Variants in RAF1 observed in about 807,000 individuals in gnomAD.
RAF1 encodes Raf-1 proto-oncogene, serine/threonine kinase.
Under a neutral mutation model 81.1 loss-of-function variants are expected in RAF1, and 27 were observed. The ratio of observed to expected loss-of-function variants is 0.33; its 90% CI spans 0.25 to 0.46. The LOEUF is 0.46. RAF1 is among the 20% of genes least tolerant of loss of function. RAF1 has a pLI of 1.00. For synonymous variants in RAF1, 298 were observed against 294.0 expected (o/e 1.01, Z -0.14); for missense variants, 598 against 826.0 (o/e 0.72, Z 3.38).
intron 1 of RAF1, among the ~76,000 whole-genome samples, chr3:12,658,428 C>T (rs1017880383): frequency 1.3e-5 from 2 of 152,026 alleles, no homozygotes; most frequent in Non-Finnish European, 2.9e-5. Context: ...CACAGTGAAA[C>T]CCTGTCTCTA....
intron 1 of RAF1, among the ~76,000 whole-genome samples, chr3:12,622,937 A>G (rs948764907): frequency 5.3e-5 from 8 of 152,106 alleles, no homozygotes; most frequent in African/African-American, 1.9e-4. Context: ...CCCAGATGGG[A>G]GGACAGCTTG....
At chr3:12,645,097 C>CAAAAAAAAAAAAAAAAAAAAAAAAAAAAA (rs11401342) in intron 1 of RAF1, among the ~76,000 whole-genome samples, 1 of 65,060 alleles carries the variant, frequency 1.5e-5, no homozygotes. Context: ...GACTCAGTCT[C>CAAAAAAAAAAAAAAAAAAAAAAAAAAAAA]AAAAAAAAAA....
At chr3:12,610,076 A>C (rs1298761935) in intron 3 of RAF1, among the ~76,000 whole-genome samples, 1 of 152,222 alleles carries the variant, frequency 6.6e-6, no homozygotes, top group East Asian at 1.9e-4. Flanking sequence ...CTACTCTGAA[A>C]CCACACTTTC....
Position 12,584,490 on chromosome 3 carries a change from G to A in RAF1, c.*24C>T, listed in dbSNP as rs2125315372. 1.2e-6 allele frequency: 2 copies of A among 1,614,152 alleles called. No homozygotes were observed. Among genetic ancestry groups the A allele is most frequent in the Non-Finnish European group, 1.7e-6 (2 of 1,179,980 alleles). On this transcript the variant is annotated 3_prime_UTR_variant, in exon 18 of 18. Coordinates refer to ENST00000442415, the MANE Select transcript of RAF1 (RefSeq NM_001354689.3). ...GCTGGCTTCTCCTCCTCCCCTGGCAGCCTGAAGACAGGTGCAAAGTCAACT... is the reference window on the plus strand; with the variant it reads ...GCTGGCTTCTCCTCCTCCCCTGGCAACCTGAAGACAGGTGCAAAGTCAACT...
At chr3:12,609,407 C>T in intron 3 of RAF1, 72 bp from the exon 4 acceptor site, 1 of 942,196 alleles carries the variant, frequency 1.1e-6, no homozygotes, top group South Asian at 1.3e-5. Context: ...CAACAGCTAC[C>T]ATTTATCACA....
chr3:12,644,170 G>C (rs749933822), intron 1 of RAF1, among the ~76,000 whole-genome samples: 9 of 151,952 alleles, frequency 5.9e-5, no homozygotes, highest in African/African-American at 2.2e-4. Context: ...AAGTAGCTTC[G>C]GGACAAGTCA....
intron 1 of RAF1, among the ~76,000 whole-genome samples, chr3:12,655,290 T>G (rs1198297763): frequency 6.6e-6 from 1 of 152,144 alleles, no homozygotes; most frequent in Non-Finnish European, 1.5e-5. Context: ...TTCACCATGT[T>G]GGCCAGGCTG....
rs948327519 is a variant in RAF1, at chr3:12,657,001, G to GAA, written c.-27+6810_-27+6811dup. On this transcript the variant is annotated intron_variant, in intron 1 of 17. Transcript: ENST00000442415. The stretch of plus-strand genomic sequence containing the variant: ...GATAAGAGTGAAACTCCATCTCGGG[G>GAA]AAAAAAAAAAAAAAGAGGAATAGAT... Among the ~76,000 whole-genome samples the GAA allele has an allele frequency of 9.2e-3, 1,357 of 147,464 alleles. 20 individuals are homozygous for GAA. The highest frequency in any genetic ancestry group is 0.03 in the African/African-American group (1,217 of 40,394).
chr3:12,624,101 C>T (rs911907548), intron 1 of RAF1, among the ~76,000 whole-genome samples: 2 of 151,950 alleles, frequency 1.3e-5, no homozygotes, highest in Admixed American at 6.6e-5. Context: ...GTGATCCACC[C>T]GCCTCAGCCT....
Position 12,584,997 on chromosome 3 carries a change from C to T in RAF1, c.1729-16G>A, listed in dbSNP as rs769638048. 1.2e-6 allele frequency: 2 copies of T among 1,614,110 alleles called. No individual in the cohort carries two copies. Among genetic ancestry groups the T allele is most frequent in the South Asian group, 2.2e-5 (2 of 91,088 alleles). On this transcript the variant is annotated splice_polypyrimidine_tract_variant and intron_variant, in intron 16 of 17. Coordinates refer to ENST00000442415, the MANE Select transcript of RAF1 (RefSeq NM_001354689.3). Reference sequence around the variant, plus strand: ...TGAAGATGATCTAAGGGAAAGAAAACAGCTGAGCTAATGGGGGGTGAATGA... The same window carrying T: ...TGAAGATGATCTAAGGGAAAGAAAATAGCTGAGCTAATGGGGGGTGAATGA...
At chr3:12,610,825 A>G (rs563475600) in intron 3 of RAF1, among the ~76,000 whole-genome samples, 184 of 152,300 alleles carry the variant, frequency 1.2e-3, no homozygotes, top group Non-Finnish European at 1.6e-3. Flanking sequence ...AATAATGGAT[A>G]ATGGATAATT....
At chr3:12,643,366 A>G (rs1373527711) in intron 1 of RAF1, among the ~76,000 whole-genome samples, 1 of 151,794 alleles carries the variant, frequency 6.6e-6, no homozygotes, top group Non-Finnish European at 1.5e-5. Context: ...ACTCTTGGGT[A>G]TGCAAACATG....
intron 2 of RAF1, 102 bp downstream of exon 2, chr3:12,618,413 A>T (rs988907873): frequency 3.1e-5 from 39 of 1,261,162 alleles, no homozygotes; most frequent in Non-Finnish European, 4.5e-5. Flanking sequence ...AAAGACCCTA[A>T]ATGACAATGA....
chr3:12,625,730 C>T (rs1269978928), intron 1 of RAF1, among the ~76,000 whole-genome samples: 1 of 152,096 alleles, frequency 6.6e-6, no homozygotes, highest in Non-Finnish European at 1.5e-5. Context: ...AGAGGCTACT[C>T]AGGATTTCCT....
At chr3:12,647,079 G>T (rs964488740) in intron 1 of RAF1, among the ~76,000 whole-genome samples, 1 of 147,070 alleles carries the variant, frequency 6.8e-6, no homozygotes, top group Admixed American at 6.8e-5. Context: ...GGCAGATCAC[G>T]AGGTCAGGAG....
At chr3:12,596,190 CTT>C (rs2058680947) in intron 11 of RAF1, among the ~76,000 whole-genome samples, 1 of 91,460 alleles carries the variant, frequency 1.1e-5, no homozygotes, top group Non-Finnish European at 2.0e-5. Flanking sequence ...AAGAATTTTT[CTT>C]TCTTTTTTTT....
intron 2 of RAF1, among the ~76,000 whole-genome samples, chr3:12,615,438 C>T (rs1406087677): frequency 3.3e-5 from 5 of 152,188 alleles, no homozygotes; most frequent in African/African-American, 9.7e-5. Flanking sequence ...TAAATAATTT[C>T]TAGAACCCAC....
At chr3:12,627,626 G>T (rs755744785) in intron 1 of RAF1, among the ~76,000 whole-genome samples, 1 of 152,106 alleles carries the variant, frequency 6.6e-6, no homozygotes, top group Admixed American at 6.6e-5. Flanking sequence ...CATTATTTCT[G>T]AGGGTGGTAG....
intron 1 of RAF1, among the ~76,000 whole-genome samples, chr3:12,635,941 C>A (rs1284906769): frequency 2.6e-5 from 4 of 151,404 alleles, no homozygotes; most frequent in Admixed American, 6.6e-5. Flanking sequence ...CCACTGCACT[C>A]CAGCCTGGGC....
Sources: allele counts gnomAD v4.1 joint callset (sites outside exome capture counted in the v4.1 genomes callset), GRCh38; gene constraint gnomAD v4.1.1; transcripts MANE v1.5; gene names NCBI Gene and HGNC (gene_info 2026-07-23, HGNC 2026-07-21).